RETREG3: variants seen among roughly 807,000 people sequenced by gnomAD.
RETREG3 encodes reticulophagy regulator family member 3, also known as reticulophagy regulator 3.
RETREG3 carries 23 observed loss-of-function variants against 50.2 expected under a neutral mutation model. That is an observed-to-expected ratio of 0.46 (90% confidence interval 0.33 to 0.65). The LOEUF (loss-of-function observed/expected upper bound fraction) is 0.65. RETREG3 is among the 30% of genes least tolerant of loss of function. The probability of loss-of-function intolerance (pLI) is 0.02; values close to 1 mark genes in which losing one functional copy is unlikely to be tolerated. For missense variants in RETREG3, 546 were observed against 598.0 expected (o/e 0.91, Z 0.91); for synonymous variants, 240 against 234.4 (o/e 1.02, Z -0.22).
Position 42,580,579 on chromosome 17 carries a change from G to T in RETREG3, c.*1234C>A, listed in dbSNP as rs949188957. ...CCTCCCAGCCAGCTGATCCCCCTGG[G>T]CCAAGGTAATGTAGAAGAGGCCCAT... On this transcript the variant is annotated 3_prime_UTR_variant, in exon 9 of 9. Coordinates refer to ENST00000309428, the MANE Select transcript of RETREG3 (RefSeq NM_178126.4). The T allele has an allele frequency of 3.9e-5, 6 of 152,678 alleles. No homozygotes were observed. The highest frequency in any genetic ancestry group is 1.4e-4 in the African/African-American group (6 of 41,408). The allele number at this position is 152,678 out of a possible 1,614,324, so 9.5% of individuals were successfully genotyped here.
chr17:42,607,595 G>A (rs764064005), intron 1 of RETREG3, among the ~76,000 whole-genome samples: 2 of 149,130 alleles, frequency 1.3e-5, no homozygotes, highest in Admixed American at 6.7e-5. Context: ...ACCTGACCTC[G>A]GGAGTTCGAG....
chr17:42,608,683 C>T (rs1383505873), intron 1 of RETREG3: 1 of 175,892 alleles, frequency 5.7e-6, no homozygotes, highest in African/African-American at 2.4e-5. Context: ...CACGCCTCTA[C>T]TCCAACAATA....
chr17:42,594,861 C>T (rs2093140745), intron 1 of RETREG3, among the ~76,000 whole-genome samples: 1 of 151,212 alleles, frequency 6.6e-6, no homozygotes, highest in Admixed American at 6.6e-5. Flanking sequence ...AAAATAAATA[C>T]ATACATACAT....
chr17:42,586,017 G>C (rs780683700), intron 5 of RETREG3, 36 bp downstream of exon 5: 1 of 1,593,418 alleles, frequency 6.3e-7, no homozygotes, highest in South Asian at 1.1e-5. Flanking sequence ...CTATGAGCAG[G>C]GTATACTTTG....
intron 1 of RETREG3, among the ~76,000 whole-genome samples, chr17:42,603,839 T>C (rs550736740): frequency 6.6e-6 from 1 of 152,162 alleles, no homozygotes; most frequent in Non-Finnish European, 1.5e-5. Context: ...TAGGTGGGCA[T>C]GGTGGCGGGC....
At chr17:42,589,694 A>G (rs544249345) in intron 2 of RETREG3, among the ~76,000 whole-genome samples, 2 of 152,212 alleles carry the variant, frequency 1.3e-5, no homozygotes, top group African/African-American at 2.4e-5. Context: ...TTGGCCTCCC[A>G]AAGTGCTGAG....
At chr17:42,607,542 C>T (rs1407669560) in intron 1 of RETREG3, among the ~76,000 whole-genome samples, 1 of 143,896 alleles carries the variant, frequency 6.9e-6, no homozygotes, top group East Asian at 2.1e-4. Flanking sequence ...CAGTGGCTCA[C>T]GCCTGTAATC....
rs773389286 is a variant in RETREG3 at position 42,581,794 on chromosome 17, C to G, written c.*19G>C. 1 of 1,543,404 alleles carries G rather than the reference C, an allele frequency of 6.5e-7. No homozygotes were observed. Among genetic ancestry groups the G allele is most frequent in the East Asian group, 2.3e-5 (1 of 44,244 alleles). ...GAAAAAAACCTAAACCACAGTGACTCCCAAAAGGAGTCTCTGCCTCAGTGG... is the reference window on the plus strand; with the variant it reads ...GAAAAAAACCTAAACCACAGTGACTGCCAAAAGGAGTCTCTGCCTCAGTGG... On this transcript the variant is annotated 3_prime_UTR_variant, in exon 9 of 9. Coordinates refer to ENST00000309428, the MANE Select transcript of RETREG3 (RefSeq NM_178126.4).
In RETREG3 at chr17:42,586,233, G is replaced by C. The variant is rs142862414; in HGVS notation, c.505-96C>G. Reference sequence around the variant, plus strand: ...GGTAGAGATATGACAGAAAGACTCTGTAAGTCAAGCATGGACGTGCAGCCA... The same window carrying C: ...GGTAGAGATATGACAGAAAGACTCTCTAAGTCAAGCATGGACGTGCAGCCA... On this transcript the variant is annotated intron_variant, in intron 4 of 8. Transcript: ENST00000309428. The C allele has an allele frequency of 4.6e-5, 54 of 1,166,200 alleles. No individual in the cohort carries two copies. In the African/African-American group the frequency reaches 5.1e-4, roughly 11 times the overall value. The allele number at this position is 1,166,200 out of a possible 1,614,324, so 72.2% of individuals were successfully genotyped here.
intron 2 of RETREG3, among the ~76,000 whole-genome samples, chr17:42,590,379 A>G (rs935105273): frequency 7.2e-5 from 11 of 151,960 alleles, no homozygotes; most frequent in African/African-American, 2.7e-4. Flanking sequence ...TTTGTTAAAA[A>G]ATAAGAATAG....
intron 2 of RETREG3, among the ~76,000 whole-genome samples, chr17:42,588,536 A>C (rs1450925132): frequency 1.3e-5 from 2 of 151,692 alleles, no homozygotes; most frequent in African/African-American, 4.8e-5. Flanking sequence ...ATACCTGGCT[A>C]ATTTTTGTGT....
intron 3 of RETREG3, among the ~76,000 whole-genome samples, chr17:42,587,334 A>C (rs2093123369): frequency 6.6e-6 from 1 of 152,224 alleles, no homozygotes; most frequent in South Asian, 2.1e-4. Flanking sequence ...AATAAACCAC[A>C]GCAGAGAAAA....
rs1295693413 is a variant in RETREG3 at position 42,597,595 on chromosome 17, A to G, written c.240-5433T>C. Reference sequence around the variant, plus strand: ...ATATTTTGTGTGTATATATATATATATATATATATATATATATATATATAT... The same window carrying G: ...ATATTTTGTGTGTATATATATATATGTATATATATATATATATATATATAT... On this transcript the variant is annotated intron_variant, in intron 1 of 8. Transcript: ENST00000309428. Among the ~76,000 whole-genome samples, 339 of 63,740 alleles carry G rather than the reference A, an allele frequency of 5.3e-3. 8 individuals are homozygous for G. The highest frequency in any genetic ancestry group is 0.02 in the African/African-American group (297 of 14,894). 41.8% of individuals were successfully genotyped at this position (63,740 alleles called of 152,430 possible).
At chr17:42,598,762 T>C (rs1025379986) in intron 1 of RETREG3, 2 of 152,184 alleles carry the variant, frequency 1.3e-5, no homozygotes, top group Non-Finnish European at 1.5e-5. Context: ...AAAGTTTGTG[T>C]CTTATTTTTT....
rs144449302 is a variant in RETREG3, at chr17:42,597,151, G to A, written c.240-4989C>T. On this transcript the variant is annotated intron_variant, in intron 1 of 8. Coordinates refer to ENST00000309428, the MANE Select transcript of RETREG3 (RefSeq NM_178126.4). ...GACCTCCCAAAGTACTGGGATTAGA[G>A]GCATGAGCCGCTGTACCTGGCCAGA... Among the ~76,000 whole-genome samples the A allele has an allele frequency of 8.1e-3, 1,228 of 151,704 alleles. 7 individuals are homozygous for A. Among genetic ancestry groups the A allele is most frequent in the Non-Finnish European group, 0.012 (828 of 67,922 alleles).
intron 1 of RETREG3, among the ~76,000 whole-genome samples, chr17:42,596,359 CAAAAAAAAAAAAAAAAAAAAAAA>C (rs60457978): frequency 4.6e-5 from 3 of 64,728 alleles, no homozygotes; most frequent in African/African-American, 1.3e-4. Flanking sequence ...GACCCTTTCT[CAAAAAAAAAAAAAAAAAAAAAAA>C]AAAAAAAAAA....
At chr17:42,588,338 G>A (rs970492151) in intron 2 of RETREG3, among the ~76,000 whole-genome samples, 4 of 150,486 alleles carry the variant, frequency 2.7e-5, no homozygotes, top group Non-Finnish European at 4.4e-5. Flanking sequence ...CTCACTGCAA[G>A]CTCCGCCTCC....
chr17:42,599,057 A>T (rs2143415191), intron 1 of RETREG3: 2 of 152,250 alleles, frequency 1.3e-5, no homozygotes, highest in Non-Finnish European at 2.9e-5. Flanking sequence ...GTGCTCTGGG[A>T]AGGGGAAATT....
chr17:42,602,273 T>C (rs1679905163), intron 1 of RETREG3, among the ~76,000 whole-genome samples: 2 of 151,192 alleles, frequency 1.3e-5, no homozygotes, highest in African/African-American at 4.9e-5. Context: ...GCTGAGATCA[T>C]GCCACTGCAC....
Sources: gnomAD v4.1 joint callset for allele counts (sites outside exome capture counted in the v4.1 genomes callset) on GRCh38, gnomAD v4.1.1 for gene constraint, MANE v1.5 for transcripts, NCBI Gene and HGNC (gene_info 2026-07-23, HGNC 2026-07-21) for gene names.